The following STAB2 variants were observed in gnomAD, a reference collection of about 807,000 sequenced individuals.
STAB2 encodes stabilin-2.
In STAB2, 288 loss-of-function variants were observed where a neutral mutation model predicts 338.1. The ratio of observed to expected loss-of-function variants is 0.85; its 90% CI spans 0.77 to 0.94. STAB2 has a LOEUF of 0.94. Among genes scored for constraint, STAB2 ranks in the 40% least tolerant of loss-of-function variants. The pLI, the probability that STAB2 is intolerant of heterozygous loss-of-function variation, is 0.00. For synonymous variants in STAB2, 1,202 were observed against 1,193.3 expected (o/e 1.01, Z -0.15); for missense variants, 3,141 against 3,210.1 (o/e 0.98, Z 0.52).
At position 103,638,068 on chromosome 12, in the gene STAB2, C is replaced by T; in HGVS notation, c.762C>T (p.Tyr254=). The change falls in exon 8 of 69, where the codon TAC becomes TAT. Residue 254 remains tyrosine (Y), a synonymous_variant. Transcript: ENST00000388887. ...GCCACCCTCATGCTCATTGTACGTA[C>T]CTGGGACCAAATCGGCACAGTTGTA... ...KICHPHAHCT[Y]LGPNRHSCTC... is the part of the protein sequence containing the mutation. 1.2e-6 allele frequency: 2 copies of T among 1,614,150 alleles called. No individual in the cohort carries two copies. The highest frequency in any genetic ancestry group is 8.5e-7 in the Non-Finnish European group (1 of 1,180,026).
chr12:103,595,896 A>T (rs1417859673), intron 3 of STAB2, among the ~76,000 whole-genome samples: 1 of 152,108 alleles, frequency 6.6e-6, no homozygotes, highest in East Asian at 1.9e-4. Flanking sequence ...GTCTTTTTTG[A>T]TTGGCAGGTC....
chr12:103,733,938 TGATCACATAGGAGCAAGCAC>T (rs1479243947), intron 51 of STAB2, among the ~76,000 whole-genome samples: 5 of 144,282 alleles, frequency 3.5e-5, no homozygotes, highest in South Asian at 2.2e-4. Flanking sequence ...GGAGCAAGCA[TGATCACATAGGAGCAAGCAC>T]GATCATAGGG....
chr12:103,641,200 G>T (rs540236497), intron 9 of STAB2, among the ~76,000 whole-genome samples: 7 of 152,298 alleles, frequency 4.6e-5, no homozygotes, highest in African/African-American at 1.4e-4. Flanking sequence ...TTTTATAACT[G>T]GGTGGTCAGT....
intron 44 of STAB2, among the ~76,000 whole-genome samples, chr12:103,718,953 C>A (rs1880543359): frequency 6.6e-6 from 1 of 152,228 alleles, no homozygotes; most frequent in Non-Finnish European, 1.5e-5. Context: ...TGTTGACACA[C>A]TTCTTGTCTC....
At chr12:103,590,336 T>A (rs1956776373) in intron 1 of STAB2, among the ~76,000 whole-genome samples, 1 of 152,194 alleles carries the variant, frequency 6.6e-6, no homozygotes, top group South Asian at 2.1e-4. Context: ...CAGAGAAAGA[T>A]CCCTGCTCTC....
In STAB2 at chr12:103,748,584, CCACA is replaced by C. The variant is rs34364589; in HGVS notation, c.6245-362_6245-359del. Among the ~76,000 whole-genome samples, 393 of 141,924 alleles carry C rather than the reference CCACA, an allele frequency of 2.8e-3. 1 individual carries two copies. The highest frequency in any genetic ancestry group is 9.7e-3 in the African/African-American group (365 of 37,770). 93.1% of individuals were successfully genotyped at this position (141,924 alleles called of 152,430 possible). On this transcript the variant is annotated intron_variant, in intron 58 of 68. Transcript: ENST00000388887. ...TGCTCAATATTGTACTAACTCTACA[CCACA>C]CACACACACACACACATACACACAC...
Position 103,668,721 on chromosome 12 carries a change from A to T in STAB2, c.2164A>T (p.Thr722Ser). The T allele has an allele frequency of 1.3e-6, 2 of 1,546,014 alleles. No homozygotes were observed. Among genetic ancestry groups the T allele is most frequent in the Non-Finnish European group, 1.7e-6 (2 of 1,143,148 alleles). ...CGGCTGTGCCCGGTACTGCAATGCCACTGTGAAGGTGAGGAGCGCGTGGCC... is the reference window on the plus strand; with the variant it reads ...CGGCTGTGCCCGGTACTGCAATGCCTCTGTGAAGGTGAGGAGCGCGTGGCC... ...KSGCARYCNA[T>S]VKIPKCCKGF... Residue 722 changes from threonine to serine, a missense_variant, in exon 20 of 69, where the codon ACT becomes TCT. Physicochemically the swap from Thr to Ser is moderately conservative, Grantham distance 58. Coordinates refer to ENST00000388887, the MANE Select transcript of STAB2 (RefSeq NM_017564.10).
chr12:103,697,207 A>T (rs2138939058), intron 33 of STAB2, among the ~76,000 whole-genome samples: 1 of 152,184 alleles, frequency 6.6e-6, no homozygotes, highest in East Asian at 1.9e-4. Context: ...AGCATTTATT[A>T]TGTATCCCCA....
chr12:103,657,320 T>C (rs1410146583), intron 15 of STAB2, among the ~76,000 whole-genome samples: 2 of 151,978 alleles, frequency 1.3e-5, no homozygotes, highest in African/African-American at 2.4e-5. Context: ...AGCTTCTAAT[T>C]TGATGCACAT....
At chr12:103,621,211 A>T (rs773818379) in intron 4 of STAB2, among the ~76,000 whole-genome samples, 3 of 152,206 alleles carry the variant, frequency 2.0e-5, no homozygotes, top group Admixed American at 6.5e-5. Flanking sequence ...GGACTATAGA[A>T]ATTGCTGTCA....
chr12:103,653,710 A>AGATGGATG (rs61343465), intron 12 of STAB2, among the ~76,000 whole-genome samples: 36,661 of 122,750 alleles, frequency 0.3, 6,073 homozygotes, highest in African/African-American at 0.38. Flanking sequence ...ATGGATGGAT[A>AGATGGATG]GATGGATGGA....
intron 44 of STAB2, among the ~76,000 whole-genome samples, chr12:103,723,437 C>T (rs1235724998): frequency 6.6e-6 from 1 of 152,182 alleles, no homozygotes; most frequent in Non-Finnish European, 1.5e-5. Flanking sequence ...AAGACCTGCC[C>T]CACAATTCAA....
chr12:103,696,168 G>T (rs753476082), intron 33 of STAB2, among the ~76,000 whole-genome samples: 7 of 152,090 alleles, frequency 4.6e-5, no homozygotes, highest in Admixed American at 4.6e-4. Context: ...GCCTGTTTAG[G>T]ATCTATCTAT....
At position 103,742,521 on chromosome 12, in the gene STAB2, T is replaced by A. The variant is rs756531620; in HGVS notation, c.5998T>A (p.Cys2000Ser). Residue 2000 changes from cysteine to serine, a missense_variant, in exon 56 of 69, where the codon TGC (cysteine) becomes AGC (serine). By Grantham distance (112) the Cys-to-Ser change is moderately radical. Coordinates refer to ENST00000388887, the MANE Select transcript of STAB2 (RefSeq NM_017564.10). ...TGFNGTACEM[C>S]WPGRFGPDCL... ...CTTCAATGGGACGGCGTGTGAGATG[T>A]GCTGGCCGGGGAGATTCGGGCCTGA... 2.5e-6 allele frequency: 4 copies of A among 1,614,170 alleles called. No individual in the cohort carries two copies. The highest frequency in any genetic ancestry group is 3.4e-6 in the Non-Finnish European group (4 of 1,180,022).
intron 36 of STAB2, 129 bp downstream of exon 36, chr12:103,704,743 C>G (rs916172859): frequency 5.0e-6 from 4 of 799,758 alleles, no homozygotes; most frequent in Non-Finnish European, 7.7e-6. Flanking sequence ...CACTTTACCT[C>G]GTTATATTAT....
chr12:103,716,510 T>C (rs1185762902), intron 43 of STAB2, among the ~76,000 whole-genome samples: 1 of 152,172 alleles, frequency 6.6e-6, no homozygotes, highest in Non-Finnish European at 1.5e-5. Context: ...TATCCAAAAT[T>C]GGATGACAAA....
chr12:103,614,129 C>T (rs547035194), intron 3 of STAB2, among the ~76,000 whole-genome samples: 1 of 152,278 alleles, frequency 6.6e-6, no homozygotes, highest in African/African-American at 2.4e-5. Flanking sequence ...TGTTTTCCCT[C>T]AGTATTTATG....
chr12:103,589,513 A>G (rs1231640716), intron 1 of STAB2, among the ~76,000 whole-genome samples: 2 of 152,074 alleles, frequency 1.3e-5, no homozygotes, highest in Non-Finnish European at 2.9e-5. Flanking sequence ...CTCTCTACTA[A>G]CTGCTCTATG....
Position 103,760,486 on chromosome 12 carries a change from C to G in STAB2, c.7249-814C>G, listed in dbSNP as rs553915464. Among the ~76,000 whole-genome samples the G allele has an allele frequency of 1.4e-4, 21 of 152,284 alleles. 1 individual carries two copies. The South Asian group carries it at 4.4e-3, about 32-fold the overall frequency. On this transcript the variant is annotated intron_variant, in intron 65 of 68. Transcript: ENST00000388887. ...ATGTTGGCCAGGCTGGTCTTGAACT[C>G]CTGGCTTCAAGTGACATGCCTGCCT...
Sources: gnomAD v4.1 joint callset for allele counts (sites outside exome capture counted in the v4.1 genomes callset) on GRCh38, gnomAD v4.1.1 for gene constraint, MANE v1.5 for transcripts, NCBI Gene and HGNC (gene_info 2026-07-23, HGNC 2026-07-21) for gene names.